Variants in CADPS2 observed in about 807,000 individuals in gnomAD.
CADPS2 encodes the protein calcium-dependent secretion activator 2.
Under a neutral mutation model 172.5 loss-of-function variants are expected in CADPS2, and 93 were observed. That is an observed-to-expected ratio of 0.54 (90% CI 0.46 to 0.64). CADPS2 has a LOEUF of 0.64. Ranked by LOEUF, CADPS2 falls within the 30% of genes least tolerant of loss-of-function variation. The probability of loss-of-function intolerance (pLI) is 0.00; values close to 1 mark genes in which losing one functional copy is unlikely to be tolerated. For synonymous variants in CADPS2, 546 were observed against 555.2 expected (o/e 0.98, Z 0.23); for missense variants, 1,420 against 1,565.9 (o/e 0.91, Z 1.57).
At chr7:122,597,097 CATGAGGGATCTGCCACT>C (rs975952364) in intron 6 of CADPS2, among the ~76,000 whole-genome samples, 2 of 152,036 alleles carry the variant, frequency 1.3e-5, no homozygotes, top group Non-Finnish European at 2.9e-5. Context: ...TCAAGCCATT[CATGAGGGATCTGCCACT>C]ATGAGCAAAC....
chr7:122,604,700 A>G (rs78719566), intron 6 of CADPS2, among the ~76,000 whole-genome samples: 2,137 of 152,198 alleles, frequency 0.014, 24 homozygotes, highest in South Asian at 0.039. Context: ...TTCTTCACTC[A>G]TTTTTAAGTG....
At position 122,688,139 on chromosome 7, in the gene CADPS2, C is replaced by A. The variant is rs570917138; in HGVS notation, c.454-24570G>T. On this transcript the variant is annotated intron_variant, in intron 2 of 29. Transcript: ENST00000449022. ...CTTAACTCTTCACTCTTCCTCTACTCCCCCTGACCCATACCCACCTCTTCT... is the reference window on the plus strand; with the variant it reads ...CTTAACTCTTCACTCTTCCTCTACTACCCCTGACCCATACCCACCTCTTCT... Among the ~76,000 whole-genome samples the A allele has an allele frequency of 9.2e-5, 14 of 152,326 alleles. No homozygotes were observed. The South Asian group carries it at 2.1e-3, about 23-fold the overall frequency.
intron 8 of CADPS2, among the ~76,000 whole-genome samples, chr7:122,537,480 GA>G (rs1242850991): frequency 4.6e-5 from 7 of 151,096 alleles, no homozygotes; most frequent in South Asian, 2.1e-4. Context: ...AACATAAGCA[GA>G]AAAAAAGCTC....
chr7:122,765,912 T>C (rs2093535139), intron 1 of CADPS2, among the ~76,000 whole-genome samples: 3 of 152,082 alleles, frequency 2.0e-5, no homozygotes, highest in Admixed American at 2.0e-4. Flanking sequence ...AGAGGAATTG[T>C]GAAGATGAAT....
intron 25 of CADPS2, among the ~76,000 whole-genome samples, chr7:122,361,886 C>T (rs1337420658): frequency 1.3e-5 from 2 of 151,884 alleles, no homozygotes; most frequent in African/African-American, 4.8e-5. Context: ...CCAGCCTAAC[C>T]AACATGGAGA....
intron 14 of CADPS2, among the ~76,000 whole-genome samples, chr7:122,461,332 T>A (rs1266970320): frequency 3.3e-5 from 5 of 152,172 alleles, no homozygotes; most frequent in Non-Finnish European, 5.9e-5. Context: ...ATTCCAGAAC[T>A]GATGACAAAT....
At chr7:122,719,014 CACAA>C (rs1177719842) in intron 2 of CADPS2, among the ~76,000 whole-genome samples, 1 of 110,056 alleles carries the variant, frequency 9.1e-6, no homozygotes, top group East Asian at 2.4e-4. Flanking sequence ...CATAAATGTA[CACAA>C]TTTTGAGGAA....
intron 8 of CADPS2, among the ~76,000 whole-genome samples, chr7:122,520,535 T>C (rs1336494338): frequency 6.6e-6 from 1 of 152,104 alleles, no homozygotes; most frequent in Non-Finnish European, 1.5e-5. Flanking sequence ...ATTTAACTCA[T>C]CTTCATATCA....
At chr7:122,436,436 A>G in intron 17 of CADPS2, 1 of 1,096,302 alleles carries the variant, frequency 9.1e-7, no homozygotes, top group Non-Finnish European at 1.2e-6. Flanking sequence ...CTTGTCGTTC[A>G]TATAATGTAA....
intron 2 of CADPS2, among the ~76,000 whole-genome samples, chr7:122,716,016 G>C (rs544420656): frequency 6.6e-6 from 1 of 151,988 alleles, no homozygotes; most frequent in Non-Finnish European, 1.5e-5. Context: ...CATTTCAAAT[G>C]TTCTCATCAC....
intron 1 of CADPS2, among the ~76,000 whole-genome samples, chr7:122,757,689 G>GT (rs11409423): frequency 0.22 from 32,713 of 151,598 alleles, 4,186 homozygotes; most frequent in African/African-American, 0.36. Context: ...CCCTAGCTGA[G>GT]TTTTTTAAAA....
In CADPS2 at chr7:122,698,777, C is replaced by A. The variant is rs749589745; in HGVS notation, c.454-35208G>T. On this transcript the variant is annotated intron_variant, in intron 2 of 29. Coordinates refer to ENST00000449022, the MANE Select transcript of CADPS2 (RefSeq NM_017954.11). ...AACTCTGACAACACATGATTCCCAA[C>A]ATGAAATGATATGTTCATATAAGCC... The A allele has an allele frequency of 3.2e-5, 51 of 1,613,854 alleles. No homozygotes were observed. Among genetic ancestry groups the A allele is most frequent in the Non-Finnish European group, 4.3e-5 (51 of 1,179,898 alleles).
At chr7:122,641,759 A>T (rs2134528020) in intron 3 of CADPS2, among the ~76,000 whole-genome samples, 1 of 152,224 alleles carries the variant, frequency 6.6e-6, no homozygotes, top group Non-Finnish European at 1.5e-5. Context: ...TGATTTTATT[A>T]ATTCCATATA....
intron 1 of CADPS2, among the ~76,000 whole-genome samples, chr7:122,792,340 T>C (rs919560541): frequency 2.0e-5 from 3 of 152,128 alleles, no homozygotes; most frequent in African/African-American, 7.2e-5. Context: ...TTAGTACCCT[T>C]ATAAAGGAGG....
chr7:122,711,019 A>G (rs1241529847), intron 2 of CADPS2, among the ~76,000 whole-genome samples: 1 of 152,140 alleles, frequency 6.6e-6, no homozygotes, highest in African/African-American at 2.4e-5. Context: ...AGCTTTTATA[A>G]TCTATGCTTT....
intron 9 of CADPS2, among the ~76,000 whole-genome samples, chr7:122,498,896 T>C (rs1429562955): frequency 1.3e-5 from 2 of 152,194 alleles, no homozygotes; most frequent in African/African-American, 2.4e-5. Flanking sequence ...TAATTTTAGA[T>C]TGTGAGCTAA....
intron 6 of CADPS2, among the ~76,000 whole-genome samples, chr7:122,586,134 T>C (rs982883635): frequency 6.6e-6 from 1 of 151,930 alleles, no homozygotes; most frequent in African/African-American, 2.4e-5. Flanking sequence ...ATGCATGATA[T>C]AAAGTGAAAA....
intron 1 of CADPS2, among the ~76,000 whole-genome samples, chr7:122,809,510 G>A (rs1799546157): frequency 6.6e-6 from 1 of 151,196 alleles, no homozygotes; most frequent in South Asian, 2.1e-4. Flanking sequence ...AACCCGGGAA[G>A]CAGACGTTGC....
chr7:122,705,945 TA>T (rs2087236220), intron 2 of CADPS2, among the ~76,000 whole-genome samples: 1 of 14,152 alleles, frequency 7.1e-5, no homozygotes, highest in African/African-American at 3.7e-4. Flanking sequence ...TTATATAATA[TA>T]ATATATAATA....
Sources: gnomAD v4.1 joint callset for allele counts (sites outside exome capture counted in the v4.1 genomes callset) on GRCh38, gnomAD v4.1.1 for gene constraint, MANE v1.5 for transcripts, NCBI Gene and HGNC (gene_info 2026-07-23, HGNC 2026-07-21) for gene names.